Variants in ADGRV1 observed in about 807,000 individuals in gnomAD.
ADGRV1 encodes the protein G-protein coupled receptor 98.
Under a neutral mutation model 596.2 loss-of-function variants are expected in ADGRV1, and 359 were observed. The ratio of observed to expected loss-of-function variants is 0.60; its 90% CI spans 0.55 to 0.66. ADGRV1 has a LOEUF of 0.66. Ranked by LOEUF, ADGRV1 falls within the 30% of genes least tolerant of loss-of-function variation. The pLI is 0.00. For synonymous variants in ADGRV1, 2,681 were observed against 2,679.2 expected (o/e 1.00, Z -0.02); for missense variants, 7,274 against 7,575.6 (o/e 0.96, Z 1.48).
intron 87 of ADGRV1, among the ~76,000 whole-genome samples, chr5:91,137,151 T>G (rs1454240452): frequency 6.6e-6 from 1 of 152,026 alleles, no homozygotes; most frequent in Non-Finnish European, 1.5e-5. Context: ...TTTCTTTTCT[T>G]TTTTTTTCAC....
intron 83 of ADGRV1, among the ~76,000 whole-genome samples, chr5:90,874,343 G>T (rs1769008812): frequency 6.6e-6 from 1 of 152,166 alleles, no homozygotes; most frequent in South Asian, 2.1e-4. Flanking sequence ...CCACCTCAGA[G>T]TGGCCTCCGC....
At chr5:90,705,328 G>A in intron 36 of ADGRV1, 72 bp from the exon 37 acceptor site, 1 of 1,252,986 alleles carries the variant, frequency 8.0e-7, no homozygotes, top group Non-Finnish European at 1.1e-6. Context: ...ATGTTTCAGA[G>A]AGTGAGGCTA....
chr5:90,880,847 T>C (rs1337358840), intron 83 of ADGRV1, among the ~76,000 whole-genome samples: 1 of 152,150 alleles, frequency 6.6e-6, no homozygotes. Context: ...CCCTTAGTAG[T>C]CTCCCACCCA....
chr5:90,961,386 G>C (rs1277169728), intron 83 of ADGRV1, among the ~76,000 whole-genome samples: 1 of 151,638 alleles, frequency 6.6e-6, no homozygotes, highest in African/African-American at 2.4e-5. Flanking sequence ...TACTCCGGAG[G>C]CTGAGGCAGG....
intron 84 of ADGRV1, among the ~76,000 whole-genome samples, chr5:90,976,010 G>T (rs916251904): frequency 6.6e-6 from 1 of 151,624 alleles, no homozygotes; most frequent in African/African-American, 2.4e-5. Context: ...ATATACTAAT[G>T]GTACAAAACA....
chr5:91,139,420 T>G (rs1164234039), intron 87 of ADGRV1, among the ~76,000 whole-genome samples: 1 of 152,190 alleles, frequency 6.6e-6, no homozygotes, highest in Admixed American at 6.5e-5. Context: ...ATCGGGTATC[T>G]CTAGAAGGGA....
At chr5:90,999,058 C>T (rs1002130092) in intron 85 of ADGRV1, among the ~76,000 whole-genome samples, 2 of 151,868 alleles carry the variant, frequency 1.3e-5, no homozygotes, top group African/African-American at 4.8e-5. Flanking sequence ...TGATTGCTTG[C>T]TCATGTTTTT....
intron 33 of ADGRV1, among the ~76,000 whole-genome samples, chr5:90,696,713 C>T (rs1747234966): frequency 6.6e-6 from 1 of 152,032 alleles, no homozygotes; most frequent in African/African-American, 2.4e-5. Context: ...AAATGTCCTT[C>T]TCCACAATCT....
intron 74 of ADGRV1, among the ~76,000 whole-genome samples, 185 bp downstream of exon 74, chr5:90,811,523 G>T (rs1373664110): frequency 6.6e-6 from 1 of 152,032 alleles, no homozygotes; most frequent in Non-Finnish European, 1.5e-5. Flanking sequence ...TGTTCTGAGG[G>T]CCCTATAATT....
chr5:90,901,844 A>C (rs1484949522), intron 83 of ADGRV1, among the ~76,000 whole-genome samples: 1 of 152,068 alleles, frequency 6.6e-6, no homozygotes, highest in Non-Finnish European at 1.5e-5. Flanking sequence ...TGATAGCTTC[A>C]GTTTGTGTTT....
intron 86 of ADGRV1, among the ~76,000 whole-genome samples, chr5:91,102,005 C>A (rs1422359875): frequency 1.3e-5 from 2 of 152,114 alleles, no homozygotes; most frequent in African/African-American, 4.8e-5. Context: ...TCATCCTCCC[C>A]CAGCCATCCC....
chr5:90,690,165 T>C, intron 30 of ADGRV1, 89 bp downstream of exon 30: 1 of 756,526 alleles, frequency 1.3e-6, no homozygotes, highest in Non-Finnish European at 2.2e-6. Flanking sequence ...TCAGAATTGA[T>C]CTGATCATGC....
chr5:90,912,054 T>C (rs1300813312), intron 83 of ADGRV1, among the ~76,000 whole-genome samples: 3 of 151,752 alleles, frequency 2.0e-5, no homozygotes, highest in Non-Finnish European at 2.9e-5. Flanking sequence ...TCTCATGGAG[T>C]TGTTATGAAA....
At chr5:90,798,575 A>C (rs950102271) in intron 70 of ADGRV1, among the ~76,000 whole-genome samples, 1 of 152,222 alleles carries the variant, frequency 6.6e-6, no homozygotes, top group African/African-American at 2.4e-5. Context: ...GACTCATTTC[A>C]TGAGGCCAGC....
At chr5:90,832,300 G>A (rs534628594) in intron 77 of ADGRV1, among the ~76,000 whole-genome samples, 1 of 152,186 alleles carries the variant, frequency 6.6e-6, no homozygotes, top group South Asian at 2.1e-4. Context: ...CCATTTAATT[G>A]AGGTGAGATT....
At position 90,810,733 on chromosome 5, in the gene ADGRV1, C is replaced by A. The variant is rs753102106; in HGVS notation, c.15473C>A (p.Thr5158Asn). The A allele has an allele frequency of 6.2e-7, 1 of 1,613,902 alleles. No individual in the cohort carries two copies. The highest frequency in any genetic ancestry group is 1.3e-5 in the African/African-American group (1 of 75,010). The part of the protein sequence containing the change: ...TTLIPVETES[T>N]TYLSTSKTTT... ...CTCATTCCTGTAGAAACTGAATCCACCACATACCTCAGCACAAGCAAGACG... is the reference window on the plus strand; with the variant it reads ...CTCATTCCTGTAGAAACTGAATCCAACACATACCTCAGCACAAGCAAGACG... Residue 5158 changes from threonine to asparagine, a missense_variant, in exon 74 of 90, where the codon ACC (threonine) becomes AAC (asparagine). Around this residue, in one of 5 missense-constraint regions of ADGRV1, gnomAD observed 1,874 missense variants for 1,970.2 expected, o/e 0.95. Coordinates refer to ENST00000405460, the MANE Select transcript of ADGRV1 (RefSeq NM_032119.4).
chr5:90,934,414 CCCTTCT>C (rs775235715), intron 83 of ADGRV1, among the ~76,000 whole-genome samples: 7 of 152,198 alleles, frequency 4.6e-5, no homozygotes, highest in Non-Finnish European at 1.0e-4. Context: ...CTGCCACTTA[CCCTTCT>C]AAGTCTAATA....
At chr5:91,131,040 TC>T (rs1388262435) in intron 87 of ADGRV1, among the ~76,000 whole-genome samples, 1 of 152,264 alleles carries the variant, frequency 6.6e-6, no homozygotes, top group African/African-American at 2.4e-5. Context: ...CTGTGTTGAT[TC>T]CATGTCTTTG....
chr5:90,975,123 G>A (rs1275262575), intron 84 of ADGRV1, among the ~76,000 whole-genome samples: 2 of 151,638 alleles, frequency 1.3e-5, no homozygotes, highest in Non-Finnish European at 2.9e-5. Flanking sequence ...CTGGCTATCA[G>A]AGAAATGGAA....
Sources: allele counts gnomAD v4.1 joint callset (sites outside exome capture counted in the v4.1 genomes callset), GRCh38; gene constraint gnomAD v4.1.1; regional missense constraint gnomAD v4.1.1; transcripts MANE v1.5; gene names NCBI Gene and HGNC (gene_info 2026-07-23, HGNC 2026-07-21).